PCDHGA3: variants seen among roughly 807,000 people sequenced by gnomAD.
PCDHGA3 encodes the protein protocadherin gamma subfamily A, 3.
A neutral mutation model predicts 58.5 loss-of-function variants in PCDHGA3; 40 were observed. The ratio of observed to expected loss-of-function variants is 0.68; its 90% CI spans 0.53 to 0.89. The LOEUF is 0.89. PCDHGA3 is among the 40% of genes least tolerant of loss of function. PCDHGA3 has a pLI of 0.00. For synonymous variants in PCDHGA3, 530 were observed against 525.7 expected, an observed-to-expected ratio of 1.01 and a Z score of -0.11; for missense variants, 1,223 against 1,195.9, an observed-to-expected ratio of 1.02 and a Z score of -0.33.
chr5:141,399,259 G>A, intron 1 of PCDHGA3: 1 of 1,613,874 alleles, frequency 6.2e-7, no homozygotes, highest in Non-Finnish European at 8.5e-7. Context: ...AAATGGGGAG[G>A]TTAATTGTCA....
intron 1 of PCDHGA3, chr5:141,409,953 C>T: frequency 6.2e-7 from 1 of 1,613,398 alleles, no homozygotes; most frequent in Non-Finnish European, 8.5e-7. Context: ...TCTGCAGAGC[C>T]CGGCTACCTA....
At position 141,360,209 on chromosome 5, in the gene PCDHGA3, TC is replaced by T. The variant is rs774225150; in HGVS notation, c.2424+13756del. The stretch of plus-strand genomic sequence containing the variant: ...CTGTTGCCCTTCCTGTTGTCTTTGT[TC>T]CCCGGGGCTCTCCCAGTCCAGATCC... On this transcript the variant is annotated intron_variant, in intron 1 of 3. Transcript: ENST00000253812. The T allele has an allele frequency of 6.2e-6, 10 of 1,613,002 alleles. No individual in the cohort carries two copies. In the South Asian group the frequency reaches 6.6e-5, roughly 11 times the overall value.
At chr5:141,348,091 G>T (rs1343762579) in intron 1 of PCDHGA3, among the ~76,000 whole-genome samples, 2 of 152,230 alleles carry the variant, frequency 1.3e-5, no homozygotes, top group East Asian at 1.9e-4. Context: ...GCCAGAAATT[G>T]TTGGCTTATT....
intron 1 of PCDHGA3, among the ~76,000 whole-genome samples, chr5:141,362,956 G>A (rs1040793401): frequency 1.3e-5 from 2 of 152,180 alleles, no homozygotes; most frequent in Middle Eastern, 3.2e-3. Flanking sequence ...TTTGGAAATT[G>A]GGAAACAAAG....
At position 141,502,499 on chromosome 5, in the gene PCDHGA3, C is replaced by T. The variant is rs552402476; in HGVS notation, c.2484-2894C>T. ...CATCACACTGGGACTCATCTAACGT[C>T]GGCCTGTCCCACTATCAGTGATGCC... On this transcript the variant is annotated intron_variant, in intron 2 of 3. Coordinates refer to ENST00000253812, the MANE Select transcript of PCDHGA3 (RefSeq NM_018916.4). Among the ~76,000 whole-genome samples, 24 of 152,240 alleles carry T rather than the reference C, an allele frequency of 1.6e-4. No homozygotes were observed. In the East Asian group the frequency reaches 4.1e-3, roughly 26 times the overall value.
chr5:141,392,929 C>T (rs1474626800), intron 1 of PCDHGA3: 6 of 1,613,770 alleles, frequency 3.7e-6, no homozygotes, highest in Non-Finnish European at 5.1e-6. Flanking sequence ...CCAGAAGAGA[C>T]GGACAAAGGC....
intron 1 of PCDHGA3, among the ~76,000 whole-genome samples, chr5:141,466,540 G>T (rs1302720337): frequency 6.6e-6 from 1 of 152,094 alleles, no homozygotes; most frequent in Non-Finnish European, 1.5e-5. Context: ...GATGTAGATG[G>T]TCTTTTGCTG....
chr5:141,362,170 C>A, intron 1 of PCDHGA3: 1 of 1,614,036 alleles, frequency 6.2e-7, no homozygotes, highest in Non-Finnish European at 8.5e-7. Flanking sequence ...CAGCGACCGC[C>A]GGGAGCCCTC....
At chr5:141,400,456 T>C (rs1439726103) in intron 1 of PCDHGA3, 2 of 1,614,090 alleles carry the variant, frequency 1.2e-6, no homozygotes, top group Non-Finnish European at 1.7e-6. Flanking sequence ...AGACATACTT[T>C]GTGGTGATTC....
chr5:141,410,435 G>C (rs772158163), intron 1 of PCDHGA3: 5 of 1,614,054 alleles, frequency 3.1e-6, no homozygotes, highest in Non-Finnish European at 4.2e-6. Flanking sequence ...CAACTACAGT[G>C]AGGGGACTTT....
rs769467027 is a variant in PCDHGA3, at chr5:141,477,255, A to G, written c.2425-17552A>G. On this transcript the variant is annotated intron_variant, in intron 1 of 3. Transcript: ENST00000253812. This position sits in a 1 kb window ranked among gnomAD's most constrained non-coding sequence, Gnocchi z 4.9. ...GCTTTGCTCAGTGTGACTGACCTGGATGCTGGCGAGAACGGGCTGGTGACC... is the reference window on the plus strand; with the variant it reads ...GCTTTGCTCAGTGTGACTGACCTGGGTGCTGGCGAGAACGGGCTGGTGACC... 1 of 1,614,146 alleles carries G rather than the reference A, an allele frequency of 6.2e-7. No individual in the cohort carries two copies. Among genetic ancestry groups the G allele is most frequent in the East Asian group, 2.2e-5 (1 of 44,874 alleles).
chr5:141,376,427 C>T (rs1772674192), intron 1 of PCDHGA3: 1 of 1,614,104 alleles, frequency 6.2e-7, no homozygotes, highest in Non-Finnish European at 8.5e-7. Context: ...GCTTATCAAC[C>T]AGGAGAGCTA....
At chr5:141,498,457 G>A (rs1028236637) in intron 2 of PCDHGA3, among the ~76,000 whole-genome samples, 8 of 152,126 alleles carry the variant, frequency 5.3e-5, no homozygotes, top group African/African-American at 1.9e-4. Flanking sequence ...CTTTTATCCA[G>A]TCTAACCCTG....
rs200349213 is a variant in PCDHGA3 at position 141,425,728 on chromosome 5, GGAT to G, written c.2425-69077_2425-69075del. Among the ~76,000 whole-genome samples the G allele has an allele frequency of 9.8e-4, 149 of 152,196 alleles. 2 individuals carry two copies. In the East Asian group the frequency reaches 0.027, roughly 28 times the overall value. ...AAAATTTTCCCATACCACTTGATGG[GGAT>G]GTTTTCCCACAAGGTTTTTGTTCTA... On this transcript the variant is annotated intron_variant, in intron 1 of 3. Transcript: ENST00000253812.
intron 1 of PCDHGA3, chr5:141,393,975 G>C (rs2092889131): frequency 6.2e-7 from 1 of 1,613,680 alleles, no homozygotes; most frequent in Admixed American, 1.7e-5. Context: ...TTACACACGT[G>C]ATAATTTACC....
chr5:141,413,895 T>A (rs749075692), intron 1 of PCDHGA3: 2 of 1,613,308 alleles, frequency 1.2e-6, no homozygotes, highest in South Asian at 2.2e-5. Flanking sequence ...TCGATGCAAA[T>A]GACAACGCGC....
chr5:141,346,659 A>C (rs2149741559), intron 1 of PCDHGA3: 3 of 744,974 alleles, frequency 4.0e-6, no homozygotes, highest in Non-Finnish European at 6.5e-6. Context: ...TTAGGGAAAA[A>C]ATAATACATC....
chr5:141,351,189 GAT>G, intron 1 of PCDHGA3: 1 of 1,614,010 alleles, frequency 6.2e-7, no homozygotes. Context: ...GAGACAAGTA[GAT>G]ATGTGTTGAG....
intron 1 of PCDHGA3, chr5:141,371,291 G>C: frequency 6.2e-7 from 1 of 1,613,976 alleles, no homozygotes; most frequent in Non-Finnish European, 8.5e-7. Context: ...GTAAAACGGG[G>C]GAACTCACCA....
Sources: allele counts gnomAD v4.1 joint callset (sites outside exome capture counted in the v4.1 genomes callset), GRCh38; gene constraint gnomAD v4.1.1; non-coding constraint Gnocchi (gnomAD v3.1); transcripts MANE v1.5; gene names NCBI Gene and HGNC (gene_info 2026-07-23, HGNC 2026-07-21).